The following KATNIP variants were observed in gnomAD, a reference collection of about 807,000 sequenced individuals.
The protein encoded by KATNIP is katanin interacting protein.
A neutral mutation model predicts 174.0 loss-of-function variants in KATNIP; 126 were observed. The ratio of observed to expected loss-of-function variants is 0.72; its 90% CI spans 0.63 to 0.84. The LOEUF (loss-of-function observed/expected upper bound fraction) is 0.84. KATNIP is among the 40% of genes least tolerant of loss of function. KATNIP has a pLI of 0.00. For missense variants in KATNIP, 1,958 were observed against 2,109.7 expected (o/e 0.93, Z 1.41); for synonymous variants, 810 against 835.7 (o/e 0.97, Z 0.53).
At chr16:27,564,925 G>A (rs547870055) in intron 1 of KATNIP, among the ~76,000 whole-genome samples, 87 of 151,900 alleles carry the variant, frequency 5.7e-4, no homozygotes, top group African/African-American at 1.9e-3. Context: ...CACCACACCC[G>A]GCTAATTTTT....
intron 9 of KATNIP, 55 bp from the exon 10 acceptor site, chr16:27,699,479 G>T: frequency 6.2e-7 from 1 of 1,608,236 alleles, no homozygotes; most frequent in South Asian, 1.1e-5. Context: ...TCTGTGAACA[G>T]CATGGAGTGA....
chr16:27,697,521 C>A (rs1325317722), intron 8 of KATNIP, among the ~76,000 whole-genome samples: 1 of 151,512 alleles, frequency 6.6e-6, no homozygotes, highest in Non-Finnish European at 1.5e-5. Flanking sequence ...ACCCACATAC[C>A]CAGATTCACC....
At chr16:27,727,103 C>G (rs1412855844) in intron 14 of KATNIP, 1 of 159,040 alleles carries the variant, frequency 6.3e-6, no homozygotes, top group East Asian at 1.9e-4. Context: ...TCCTTGGCCT[C>G]CTGCCCTCTG....
chr16:27,723,249 C>T (rs2080309393), intron 14 of KATNIP, among the ~76,000 whole-genome samples: 1 of 152,124 alleles, frequency 6.6e-6, no homozygotes, highest in Admixed American at 6.5e-5. Context: ...GGATCAAGGT[C>T]AACCCCCTGA....
chr16:27,561,851 C>T (rs770949143), intron 1 of KATNIP, among the ~76,000 whole-genome samples: 14 of 152,284 alleles, frequency 9.2e-5, no homozygotes, highest in African/African-American at 1.9e-4. Context: ...ATCTTAGAAC[C>T]GTGAAGTTCC....
Position 27,778,621 on chromosome 16 carries a change from C to G in KATNIP, c.4849C>G (p.Arg1617Gly), listed in dbSNP as rs765239296. The change falls in exon 28 of 28, where the codon CGC becomes GGC. Residue 1617 changes from arginine to glycine, a missense_variant. Coordinates refer to ENST00000261588, the MANE Select transcript of KATNIP (RefSeq NM_015202.5). ...CAGCGAGAAGGAGACGAGACGACGGCGCTGCTGACTGGTGAAGGAGGGAGA... is the reference window on the plus strand; with the variant it reads ...CAGCGAGAAGGAGACGAGACGACGGGGCTGCTGACTGGTGAAGGAGGGAGA... ...CISEKETRRR[R>G]C 3.8e-5 allele frequency: 62 copies of G among 1,613,510 alleles called. No homozygotes were observed. Among genetic ancestry groups the G allele is most frequent in the Non-Finnish European group, 4.9e-5 (58 of 1,179,724 alleles).
chr16:27,558,483 C>A (rs2089720431), intron 1 of KATNIP, among the ~76,000 whole-genome samples: 1 of 152,182 alleles, frequency 6.6e-6, no homozygotes, highest in Non-Finnish European at 1.5e-5. Context: ...AATATATTAT[C>A]TGCCTTTAGA....
At chr16:27,643,597 A>C in intron 5 of KATNIP, among the ~76,000 whole-genome samples, 1 of 145,932 alleles carries the variant, frequency 6.9e-6, no homozygotes, top group African/African-American at 2.5e-5. Context: ...TCTCAAAAAA[A>C]AAAAAAAAAA....
chr16:27,708,916 T>C lies in KATNIP; in HGVS notation c.1601T>C (p.Leu534Ser). The part of the protein sequence containing the change: ...GELGRLVNRN[L>S]AGKKDSSPWT... ...CTGGGCCGCCTCGTCAACAGGAACT[T>C]AGCTGTGAGTGGAAGGGGCACTGGA... is the stretch of plus-strand genomic sequence containing the variant. Residue 534 changes from leucine (L) to serine (S), a missense_variant, in exon 13 of 28, where the codon TTA becomes TCA. Physicochemically the swap from Leu to Ser is moderately radical, Grantham distance 145. Around this residue, in one of 3 missense-constraint regions of KATNIP, gnomAD observed 1,557 missense variants for 1,617.8 expected, o/e 0.96. Coordinates refer to ENST00000261588, the MANE Select transcript of KATNIP (RefSeq NM_015202.5). 1.2e-6 allele frequency: 2 copies of C among 1,610,928 alleles called. No homozygotes were observed. Among genetic ancestry groups the C allele is most frequent in the African/African-American group, 2.7e-5 (2 of 74,982 alleles).
chr16:27,754,075 G>C lies in KATNIP; in HGVS notation c.3553-98G>C, dbSNP rs1217783205. On this transcript the variant is annotated intron_variant, in intron 17 of 27. Coordinates refer to ENST00000261588, the MANE Select transcript of KATNIP (RefSeq NM_015202.5). ...ACACACAAGGACTTACCTGGGCATA[G>C]GGTGGGCAGTGGTAAATGCAGAAAC... 6.3e-6 allele frequency: 6 copies of C among 946,082 alleles called. No homozygotes were observed. The African/African-American group carries it at 8.1e-5, about 13-fold the overall frequency. The allele number at this position is 946,082 out of a possible 1,614,324, so 58.6% of individuals were successfully genotyped here.
In KATNIP at chr16:27,631,117, T is replaced by C; in HGVS notation, c.363T>C (p.Ser121=). Residue 121 remains serine, a synonymous_variant, in exon 5 of 28, where the codon AGT becomes AGC. Coordinates refer to ENST00000261588, the MANE Select transcript of KATNIP (RefSeq NM_015202.5). ...FREAEEALRR[S]SRTAPSKVQR... is the part of the protein sequence containing the mutation. ...AAGCTGAAGAAGCCTTAAGACGCAG[T>C]TCACGGACAGCCCCCAGTAAAGTCC... The C allele has an allele frequency of 6.3e-7, 1 of 1,578,856 alleles. No homozygotes were observed.
intron 1 of KATNIP, among the ~76,000 whole-genome samples, chr16:27,570,965 GA>G (rs1359334595): frequency 7.2e-5 from 11 of 152,038 alleles, no homozygotes; most frequent in East Asian, 5.8e-4. Flanking sequence ...AGAGAAAGGG[GA>G]AAAAAAAGTT....
rs1302114052 is a variant in KATNIP, at chr16:27,637,640, C to T, written c.408+6478C>T. Among the ~76,000 whole-genome samples the T allele has an allele frequency of 6.6e-6, 1 of 152,006 alleles. No homozygotes were observed. The highest frequency in any genetic ancestry group is 1.5e-5 in the Non-Finnish European group (1 of 67,994). ...TCAGGTGAGGGGACAGTGAGAGCAG[C>T]GGGCACTGGGCACAGGCTGAGAGGA... On this transcript the variant is annotated intron_variant, in intron 5 of 27. Transcript: ENST00000261588. This position sits in a 1 kb window ranked among gnomAD's most constrained non-coding sequence, Gnocchi z 4.7.
At chr16:27,773,405 A>T (rs146414849) in intron 23 of KATNIP, among the ~76,000 whole-genome samples, 196 bp downstream of exon 23, 28 of 152,330 alleles carry the variant, frequency 1.8e-4, no homozygotes, top group African/African-American at 6.7e-4. Flanking sequence ...CTGCTAAGAC[A>T]TCAGGAGCAG....
intron 2 of KATNIP, among the ~76,000 whole-genome samples, chr16:27,598,300 CA>C (rs975823465): frequency 2.6e-4 from 40 of 151,690 alleles, no homozygotes; most frequent in African/African-American, 9.2e-4. Context: ...AGGGGCTGAC[CA>C]GACTCTCCCA....
At chr16:27,747,363 G>T (rs1057407663) in intron 15 of KATNIP, among the ~76,000 whole-genome samples, 9 of 152,068 alleles carry the variant, frequency 5.9e-5, no homozygotes, top group African/African-American at 4.8e-5. Flanking sequence ...GGAGTCTTAC[G>T]GATGCAAAGG....
At chr16:27,733,158 G>A (rs2080759326) in intron 14 of KATNIP, among the ~76,000 whole-genome samples, 1 of 152,208 alleles carries the variant, frequency 6.6e-6, no homozygotes. Context: ...AGATGCTAAA[G>A]CCCACAGCTC....
At chr16:27,573,328 T>C (rs1044620436) in intron 1 of KATNIP, among the ~76,000 whole-genome samples, 1 of 152,258 alleles carries the variant, frequency 6.6e-6, no homozygotes, top group Admixed American at 6.5e-5. Flanking sequence ...ATTTAAACAT[T>C]ATGATGTCAC....
At chr16:27,712,156 G>T (rs781276914) in intron 13 of KATNIP, among the ~76,000 whole-genome samples, 6 of 152,224 alleles carry the variant, frequency 3.9e-5, no homozygotes, top group African/African-American at 7.2e-5. Flanking sequence ...GCCATGTGAT[G>T]GTCCACGGTT....
Sources: gnomAD v4.1 joint callset for allele counts (sites outside exome capture counted in the v4.1 genomes callset) on GRCh38, gnomAD v4.1.1 for gene constraint, gnomAD v4.1.1 regional missense constraint, Gnocchi (gnomAD v3.1) non-coding constraint, MANE v1.5 for transcripts, NCBI Gene and HGNC (gene_info 2026-07-23, HGNC 2026-07-21) for gene names.